Variants in MORF4L1 observed in about 807,000 individuals in gnomAD.
The protein encoded by MORF4L1 is mortality factor 4-like protein 1.
Under a neutral mutation model 52.9 loss-of-function variants are expected in MORF4L1, and 4 were observed. That is an observed-to-expected ratio of 0.08 (90% CI 0.04 to 0.17). MORF4L1 has a LOEUF of 0.17. Ranked by LOEUF, MORF4L1 falls within the 10% of genes least tolerant of loss-of-function variation. MORF4L1 has a pLI of 1.00. For synonymous variants in MORF4L1, 123 were observed against 134.8 expected, an observed-to-expected ratio of 0.91 and a Z score of 0.61; for missense variants, 214 against 390.4, an observed-to-expected ratio of 0.55 and a Z score of 3.81.
chr15:78,884,664 C>T (rs77151880), intron 3 of MORF4L1, among the ~76,000 whole-genome samples: 2,676 of 26,542 alleles, frequency 0.1, 122 homozygotes, highest in African/African-American at 0.27. Flanking sequence ...AAAAAATACA[C>T]ACACACACAC....
In MORF4L1 at chr15:78,886,132, C is replaced by G; in HGVS notation, c.156-9C>G. 1 of 1,610,724 alleles carries G rather than the reference C, an allele frequency of 6.2e-7. No homozygotes were observed. Among genetic ancestry groups the G allele is most frequent in the African/African-American group, 1.3e-5 (1 of 74,964 alleles). ...TTTTGAGTTAAATTTTAACTTTCCT[C>G]TTTTTCAGTTGGGATGAATGGGTTC... is the stretch of plus-strand genomic sequence containing the variant. On this transcript the variant is annotated splice_polypyrimidine_tract_variant and intron_variant, in intron 3 of 11. Transcript: ENST00000426013.
At chr15:78,876,744 C>T (rs190969937) in intron 1 of MORF4L1, among the ~76,000 whole-genome samples, 2 of 152,148 alleles carry the variant, frequency 1.3e-5, no homozygotes, top group Admixed American at 6.5e-5. Flanking sequence ...TTCCCGTTTT[C>T]CAGTCTCCGT....
chr15:78,876,559 G>C, intron 1 of MORF4L1: 3 of 455,764 alleles, frequency 6.6e-6, no homozygotes, highest in South Asian at 4.6e-5. Flanking sequence ...TTTTTTTTCC[G>C]GCAGTAGCAG....
At position 78,887,291 on chromosome 15, in the gene MORF4L1, A is replaced by G; in HGVS notation, c.265A>G (p.Met89Val). 6.2e-7 allele frequency: 1 copy of G among 1,611,676 alleles called. No individual in the cohort carries two copies. ...AAGGGAGCAGTATGCAGAGGGGAAG[A>G]TGAGAGGGGCTGCCCCAGGAAAGAA... is the stretch of plus-strand genomic sequence containing the variant. ...ANQEQYAEGK[M>V]RGAAPGKKTS... Residue 89 changes from methionine to valine, a missense_variant, in exon 5 of 12, where the codon ATG (methionine) becomes GTG (valine). Physicochemically the swap from Met to Val is conservative, Grantham distance 21. Coordinates refer to ENST00000426013, the MANE Select transcript of MORF4L1 (RefSeq NM_006791.4).
At chr15:78,885,880 CTT>C (rs1363586692) in intron 3 of MORF4L1, among the ~76,000 whole-genome samples, 1 of 152,206 alleles carries the variant, frequency 6.6e-6, no homozygotes, top group Non-Finnish European at 1.5e-5. Flanking sequence ...GTGCCAAACT[CTT>C]AAGCCATTTC....
intron 8 of MORF4L1, 43 bp downstream of exon 8, chr15:78,892,356 T>C (rs2056815360): frequency 7.0e-7 from 1 of 1,421,536 alleles, no homozygotes; most frequent in Non-Finnish European, 9.8e-7. Context: ...ATATGATACA[T>C]TCTTGCTAGC....
At chr15:78,875,794 A>G (rs929821031) in intron 1 of MORF4L1, among the ~76,000 whole-genome samples, 2 of 152,090 alleles carry the variant, frequency 1.3e-5, no homozygotes, top group African/African-American at 4.8e-5. Flanking sequence ...TCAAAAAAAA[A>G]AAAAATTTAT....
At chr15:78,887,387 T>C (rs1477006886) in intron 5 of MORF4L1, 38 bp downstream of exon 5, 1 of 1,531,774 alleles carries the variant, frequency 6.5e-7, no homozygotes, top group Non-Finnish European at 8.9e-7. Flanking sequence ...ATACTATATG[T>C]GAAGATAATA....
intron 3 of MORF4L1, among the ~76,000 whole-genome samples, chr15:78,882,948 C>A (rs139476211): frequency 5.9e-5 from 9 of 152,154 alleles, no homozygotes; most frequent in Non-Finnish European, 1.3e-4. Context: ...GGTGTAGTGG[C>A]TCATGCCTGT....
intron 3 of MORF4L1, among the ~76,000 whole-genome samples, chr15:78,881,098 A>G (rs1413351614): frequency 6.6e-6 from 1 of 151,620 alleles, no homozygotes; most frequent in Non-Finnish European, 1.5e-5. Context: ...GTGTTGACCG[A>G]AAATGACTTC....
rs1464673115 is a variant in MORF4L1 at position 78,878,309 on chromosome 15, T to A, written c.87+50T>A. ...AAGTTGGCCAAAACTACTGGTTAGATCTGGCCATTTAATATACAAGTACAG... is the reference window on the plus strand; with the variant it reads ...AAGTTGGCCAAAACTACTGGTTAGAACTGGCCATTTAATATACAAGTACAG... On this transcript the variant is annotated intron_variant, in intron 2 of 11. Coordinates refer to ENST00000426013, the MANE Select transcript of MORF4L1 (RefSeq NM_006791.4). 4.5e-6 allele frequency: 7 copies of A among 1,552,310 alleles called. No homozygotes were observed. In the South Asian group the frequency reaches 4.7e-5, roughly 10 times the overall value.
intron 4 of MORF4L1, 104 bp from the exon 5 acceptor site, chr15:78,887,165 T>G (rs1476112775): frequency 4.3e-6 from 4 of 941,020 alleles, no homozygotes; most frequent in Non-Finnish European, 6.6e-6. Context: ...GTTAAAAACT[T>G]GTTGCCAGAA....
intron 1 of MORF4L1, 165 bp downstream of exon 1, chr15:78,873,222 C>G (rs1158418031): frequency 4.0e-6 from 6 of 1,511,586 alleles, no homozygotes; most frequent in Non-Finnish European, 5.3e-6. Context: ...AATTCCGGTG[C>G]GTCATTGTGA....
rs142481603 is a variant in MORF4L1, at chr15:78,896,013, C to G, written c.888-970C>G. 2.6e-3 allele frequency among the ~76,000 whole-genome samples: 401 copies of G among 152,158 alleles called. 1 individual carries two copies. The highest frequency in any genetic ancestry group is 7.8e-3 in the African/African-American group (323 of 41,518). On this transcript the variant is annotated intron_variant, in intron 11 of 11. Transcript: ENST00000426013. ...ATTCATTTAGAGATGGAGTCTTGCTCTGTCGCCCAGGCTGGAGTGCAGTGA... is the reference window on the plus strand; with the variant it reads ...ATTCATTTAGAGATGGAGTCTTGCTGTGTCGCCCAGGCTGGAGTGCAGTGA...
intron 11 of MORF4L1, among the ~76,000 whole-genome samples, chr15:78,896,465 C>T (rs1347968659): frequency 1.3e-5 from 2 of 151,940 alleles, no homozygotes; most frequent in African/African-American, 4.8e-5. Context: ...CATGCGCTAC[C>T]ATGTCCAGCT....
chr15:78,883,596 T>G (rs1242834754), intron 3 of MORF4L1, among the ~76,000 whole-genome samples: 1 of 152,186 alleles, frequency 6.6e-6, no homozygotes, highest in Non-Finnish European at 1.5e-5. Context: ...TCAACTAATT[T>G]GACACATATT....
chr15:78,877,113 ATTTTTTTTTT>A (rs60811430), intron 1 of MORF4L1, among the ~76,000 whole-genome samples: 5 of 60,954 alleles, frequency 8.2e-5, no homozygotes, highest in Non-Finnish European at 1.2e-4. Flanking sequence ...CGCCCGGCTG[ATTTTTTTTTT>A]TTTTTTTTTT....
intron 11 of MORF4L1, 64 bp downstream of exon 11, chr15:78,894,968 C>A: frequency 7.8e-7 from 1 of 1,278,730 alleles, no homozygotes; most frequent in Non-Finnish European, 1.1e-6. Context: ...GAGGGATTGG[C>A]AGTATAGATG....
At chr15:78,888,924 A>T (rs2056752747) in intron 5 of MORF4L1, among the ~76,000 whole-genome samples, 1 of 152,188 alleles carries the variant, frequency 6.6e-6, no homozygotes, top group Non-Finnish European at 1.5e-5. Context: ...GTAGTGTAGT[A>T]TTTCATTAGG....
Sources: gnomAD v4.1 joint callset for allele counts (sites outside exome capture counted in the v4.1 genomes callset) on GRCh38, gnomAD v4.1.1 for gene constraint, MANE v1.5 for transcripts, NCBI Gene and HGNC (gene_info 2026-07-23, HGNC 2026-07-21) for gene names.